The following GPR21 variants were observed in gnomAD, a reference collection of about 807,000 sequenced individuals.
GPR21 encodes the protein probable G protein-coupled receptor 21.
Under a neutral mutation model 21.5 loss-of-function variants are expected in GPR21, and 9 were observed. The observed-to-expected ratio is 0.42, with a 90% confidence interval of 0.25 to 0.73. GPR21 has a LOEUF of 0.73. Ranked by LOEUF, GPR21 falls within the 30% of genes least tolerant of loss-of-function variation. The probability of loss-of-function intolerance (pLI) is 0.27; values close to 1 mark genes in which losing one functional copy is unlikely to be tolerated. For missense variants in GPR21, 416 were observed against 428.9 expected (o/e 0.97, Z 0.27); for synonymous variants, 169 against 159.3 (o/e 1.06, Z -0.46).
At chr9:123,046,153 A>G in the GPR21 span, among the ~76,000 whole-genome samples, 2 of 152,198 alleles carry the variant, frequency 1.3e-5, no homozygotes, top group East Asian at 3.8e-4. Context: ...ATTTTGCAGT[A>G]GGGTTAGTCC....
chr9:123,035,578 G>C lies in GPR21; in HGVS notation c.1012G>C (p.Val338Leu), dbSNP rs776454985. Residue 338 changes from valine (V) to leucine (L), a missense_variant, in exon 2 of 2, where the codon GTT (valine) becomes CTT (leucine). Val to Leu is a conservative substitution (Grantham distance 32). Coordinates refer to ENST00000616002, the MANE Select transcript of GPR21 (RefSeq NM_005294.3). ...GACTACAGCCAACGACCCTTACACA[G>C]TTAGAAGCAAAGGCCCTCTTAATGG... is the stretch of plus-strand genomic sequence containing the variant. The part of the protein sequence containing the change: ...SQTTANDPYT[V>L]RSKGPLNGCH... 5 of 1,603,994 alleles carry C rather than the reference G, an allele frequency of 3.1e-6. No homozygotes were observed. The highest frequency in any genetic ancestry group is 3.4e-6 in the Non-Finnish European group (4 of 1,177,126).
rs991377308 is a variant in GPR21 at position 123,035,415 on chromosome 9, C to T, written c.849C>T (p.Arg283=). The change falls in exon 2 of 2, where the codon CGC becomes CGT. Residue 283 remains arginine (R), a synonymous_variant. Transcript: ENST00000616002. Reference sequence around the variant, plus strand: ...AAAGCTCCACTGGCCACAGCAACCGCTTCGCATCCTTCTTGACCACCTGGC... The same window carrying T: ...AAAGCTCCACTGGCCACAGCAACCGTTTCGCATCCTTCTTGACCACCTGGC... ...LLESSTGHSN[R]FASFLTTWLA... 3.1e-6 allele frequency: 5 copies of T among 1,614,074 alleles called. No homozygotes were observed. In the African/African-American group the frequency reaches 6.7e-5, roughly 22 times the overall value.
At chr9:123,047,972 C>T in the GPR21 span, among the ~76,000 whole-genome samples, 3 of 100,218 alleles carry the variant, frequency 3.0e-5, no homozygotes, top group African/African-American at 6.8e-5. Flanking sequence ...GAGTCTTGCT[C>T]TTGCTGCCCA....
chr9:123,035,707 TTCAC>T, downstream of GPR21: 1 of 824,468 alleles, frequency 1.2e-6, no homozygotes, highest in Non-Finnish European at 1.9e-6. Context: ...GTATTCCTAA[TTCAC>T]TAGGAAATCT....
At chr9:123,042,949 A>C in the GPR21 span, among the ~76,000 whole-genome samples, 9 of 152,224 alleles carry the variant, frequency 5.9e-5, no homozygotes, top group Non-Finnish European at 1.2e-4. Context: ...GAGTCTAAAC[A>C]TACAAAGTAT....
At position 123,034,985 on chromosome 9, in the gene GPR21, T is replaced by C. The variant is rs2032540242; in HGVS notation, c.419T>C (p.Leu140Pro). The C allele has an allele frequency of 3.7e-6, 6 of 1,613,720 alleles. No individual in the cohort carries two copies. The highest frequency in any genetic ancestry group is 5.1e-6 in the Non-Finnish European group (6 of 1,179,596). Residue 140 changes from leucine (L) to proline (P), a missense_variant, in exon 2 of 2, where the codon CTG (leucine) becomes CCG (proline). Physicochemically the swap from Leu to Pro is moderately conservative, Grantham distance 98. Coordinates refer to ENST00000616002, the MANE Select transcript of GPR21 (RefSeq NM_005294.3). Reference sequence around the variant, plus strand: ...ACTAAACCTTTAACCTATAATACTCTGGTTACACCCTGGAGACTACGCCTG... The same window carrying C: ...ACTAAACCTTTAACCTATAATACTCCGGTTACACCCTGGAGACTACGCCTG... ...AITKPLTYNT[L>P]VTPWRLRLCI...
the GPR21 span, among the ~76,000 whole-genome samples, chr9:123,040,899 G>C: frequency 6.6e-6 from 1 of 152,154 alleles, no homozygotes; most frequent in Non-Finnish European, 1.5e-5. Flanking sequence ...GTCTGATTCT[G>C]TTATTTTGCA....
rs1313620740 is a variant in GPR21, at chr9:123,035,198, A to G, written c.632A>G (p.Tyr211Cys). The change falls in exon 2 of 2, where the codon TAT (tyrosine) becomes TGT (cysteine). Residue 211 changes from tyrosine to cysteine, a missense_variant. Transcript: ENST00000616002. ...GCAGCCCTTATTGTCTGCTTCACCT[A>G]TTTCAACATCTTCCGCATCTGCCAA... ...APAALIVCFT[Y>C]FNIFRICQQH... The G allele has an allele frequency of 3.1e-6, 5 of 1,614,058 alleles. No individual in the cohort carries two copies. The highest frequency in any genetic ancestry group is 2.2e-5 in the South Asian group (2 of 91,074).
At chr9:123,036,181 G>A (rs1288517823), downstream of GPR21, among the ~76,000 whole-genome samples, 1 of 152,166 alleles carries the variant, frequency 6.6e-6, no homozygotes, top group Non-Finnish European at 1.5e-5. Flanking sequence ...ATTCTCTTGA[G>A]AGAATTCTCA....
the GPR21 span, among the ~76,000 whole-genome samples, chr9:123,043,285 C>T: frequency 6.6e-6 from 1 of 151,976 alleles, no homozygotes; most frequent in Non-Finnish European, 1.5e-5. Flanking sequence ...GAAAGCTCTA[C>T]GAAAGCAACT....
downstream of GPR21, among the ~76,000 whole-genome samples, chr9:123,040,117 C>CTATA (rs1377393840): frequency 6.6e-6 from 1 of 152,104 alleles, no homozygotes; most frequent in Non-Finnish European, 1.5e-5. Flanking sequence ...TCTTGTAGAA[C>CTATA]TATATAGTCT....
At chr9:123,037,254 T>C (rs2032713881), downstream of GPR21, among the ~76,000 whole-genome samples, 1 of 152,236 alleles carries the variant, frequency 6.6e-6, no homozygotes, top group African/African-American at 2.4e-5. Flanking sequence ...CTTATGATTT[T>C]AGGCTTTAGA....
the GPR21 span, among the ~76,000 whole-genome samples, chr9:123,042,342 G>T: frequency 6.6e-6 from 1 of 152,146 alleles, no homozygotes; most frequent in Non-Finnish European, 1.5e-5. Context: ...CAGACAGCCA[G>T]AGATAATTGC....
the GPR21 span, among the ~76,000 whole-genome samples, chr9:123,041,209 T>C: frequency 2.6e-5 from 4 of 152,212 alleles, no homozygotes. Context: ...TTAACCCCAT[T>C]ATACAGATGA....
the GPR21 span, among the ~76,000 whole-genome samples, chr9:123,041,776 T>C: frequency 6.6e-6 from 1 of 152,224 alleles, no homozygotes; most frequent in African/African-American, 2.4e-5. Context: ...GATTTGTCTA[T>C]TGACCACAGT....
downstream of GPR21, among the ~76,000 whole-genome samples, chr9:123,038,767 T>C (rs2032801065): frequency 6.6e-6 from 1 of 151,402 alleles, no homozygotes; most frequent in Non-Finnish European, 1.5e-5. Context: ...ATATTATTAA[T>C]ATTATGTTGC....
chr9:123,045,515 A>G, the GPR21 span, among the ~76,000 whole-genome samples: 3 of 152,222 alleles, frequency 2.0e-5, no homozygotes, highest in Non-Finnish European at 2.9e-5. Context: ...TGTGTATTGT[A>G]GCCTATAGAA....
At chr9:123,041,033 A>T in the GPR21 span, among the ~76,000 whole-genome samples, 3 of 152,130 alleles carry the variant, frequency 2.0e-5, no homozygotes, top group African/African-American at 7.2e-5. Context: ...TTGGAATTTG[A>T]CTTGACTCAG....
At chr9:123,041,763 C>A in the GPR21 span, among the ~76,000 whole-genome samples, 2 of 152,120 alleles carry the variant, frequency 1.3e-5, no homozygotes, top group Non-Finnish European at 2.9e-5. Flanking sequence ...AAAGAAACAG[C>A]CTGATTTGTC....
Sources: gnomAD v4.1 joint callset for allele counts (sites outside exome capture counted in the v4.1 genomes callset) on GRCh38, gnomAD v4.1.1 for gene constraint, MANE v1.5 for transcripts, NCBI Gene and HGNC (gene_info 2026-07-23, HGNC 2026-07-21) for gene names.